The following CCDC15 variants were observed in gnomAD, a reference collection of about 807,000 sequenced individuals.
The protein encoded by CCDC15 is coiled-coil domain-containing protein 15.
CCDC15 carries 105 observed loss-of-function variants against 114.5 expected under a neutral mutation model. The observed-to-expected ratio is 0.92, with a 90% CI of 0.78 to 1.08. The LOEUF (loss-of-function observed/expected upper bound fraction) is 1.08. Ranked by LOEUF, CCDC15 falls within the 50% of genes least tolerant of loss-of-function variation. The pLI is 0.00. For synonymous variants in CCDC15, 334 were observed against 377.8 expected (o/e 0.88, Z 1.34); for missense variants, 1,105 against 1,093.6 (o/e 1.01, Z -0.15).
intron 4 of CCDC15, among the ~76,000 whole-genome samples, chr11:124,962,995 C>A (rs1216925594): frequency 6.6e-6 from 1 of 152,190 alleles, no homozygotes; most frequent in Non-Finnish European, 1.5e-5. Flanking sequence ...TTTTTTATGG[C>A]TGCATAGTAT....
chr11:125,016,556 G>C (rs1205811432), intron 13 of CCDC15, among the ~76,000 whole-genome samples: 1 of 152,122 alleles, frequency 6.6e-6, no homozygotes, highest in Non-Finnish European at 1.5e-5. Flanking sequence ...GAAGTTCACT[G>C]TCTCACCTAG....
In CCDC15 at chr11:124,987,500, A is replaced by T. The variant is rs75943178; in HGVS notation, c.1274A>T (p.Asp425Val). 6.2e-7 allele frequency: 1 copy of T among 1,614,044 alleles called. No homozygotes were observed. Among genetic ancestry groups the T allele is most frequent in the African/African-American group, 1.3e-5 (1 of 75,056 alleles). Residue 425 changes from aspartate (D) to valine (V), a missense_variant, in exon 8 of 16, where the codon GAT (aspartate) becomes GTT (valine). Transcript: ENST00000344762. Reference protein sequence around the residue: ...TNQALLTKNQDVLLKDHCVLP... With the variant: ...TNQALLTKNQVVLLKDHCVLP... ...CAGGCTCTTCTAACGAAAAACCAGG[A>T]TGTTTTACTCAAAGACCACTGTGTT... is the stretch of plus-strand genomic sequence containing the variant.
At chr11:124,996,102 A>G (rs1049888020) in intron 11 of CCDC15, among the ~76,000 whole-genome samples, 1 of 152,038 alleles carries the variant, frequency 6.6e-6, no homozygotes, top group Non-Finnish European at 1.5e-5. Context: ...AGGTGCTGGG[A>G]TTACAGGTGT....
rs368123739 is a variant in CCDC15, at chr11:124,987,499, G to A, written c.1273G>A (p.Asp425Asn). 1.2e-6 allele frequency: 2 copies of A among 1,614,002 alleles called. No homozygotes were observed. The highest frequency in any genetic ancestry group is 1.7e-6 in the Non-Finnish European group (2 of 1,179,898). The change falls in exon 8 of 16, where the codon GAT becomes AAT. Residue 425 changes from aspartate to asparagine, a missense_variant. Physicochemically the swap from Asp to Asn is conservative, Grantham distance 23. Coordinates refer to ENST00000344762, the MANE Select transcript of CCDC15 (RefSeq NM_025004.3). ...TNQALLTKNQ[D>N]VLLKDHCVLP... The stretch of plus-strand genomic sequence containing the variant: ...TCAGGCTCTTCTAACGAAAAACCAG[G>A]ATGTTTTACTCAAAGACCACTGTGT...
chr11:125,040,006 T>G (rs1315433258), intron 15 of CCDC15, among the ~76,000 whole-genome samples: 1 of 152,128 alleles, frequency 6.6e-6, no homozygotes, highest in African/African-American at 2.4e-5. Flanking sequence ...ATTCCCAACT[T>G]CATTCTATGA....
chr11:125,029,462 A>G (rs950783939), intron 13 of CCDC15, among the ~76,000 whole-genome samples: 2 of 152,264 alleles, frequency 1.3e-5, no homozygotes, highest in African/African-American at 4.8e-5. Context: ...TAAAGTTAAC[A>G]ATACTTAAAT....
chr11:124,968,453 C>T (rs1947822440), intron 4 of CCDC15, among the ~76,000 whole-genome samples: 2 of 152,224 alleles, frequency 1.3e-5, no homozygotes, highest in South Asian at 4.1e-4. Context: ...GGTGTGGGAC[C>T]TGCCAAGCCA....
At chr11:124,996,478 C>T (rs1248626420) in intron 11 of CCDC15, among the ~76,000 whole-genome samples, 1 of 152,174 alleles carries the variant, frequency 6.6e-6, no homozygotes, top group Non-Finnish European at 1.5e-5. Flanking sequence ...TGTATGCATC[C>T]TTTGAGTCCT....
intron 13 of CCDC15, among the ~76,000 whole-genome samples, chr11:125,017,539 T>C (rs1344190971): frequency 6.6e-6 from 1 of 152,154 alleles, no homozygotes; most frequent in Non-Finnish European, 1.5e-5. Flanking sequence ...GTATAGCACA[T>C]ACAGTTATGT....
intron 13 of CCDC15, among the ~76,000 whole-genome samples, chr11:125,009,035 G>A (rs145801100): frequency 2.6e-5 from 4 of 152,052 alleles, no homozygotes; most frequent in East Asian, 3.9e-4. Flanking sequence ...CCTGACCAAC[G>A]TGGAGTAACC....
At chr11:124,961,639 C>G (rs1197100032) in intron 4 of CCDC15, among the ~76,000 whole-genome samples, 2 of 152,164 alleles carry the variant, frequency 1.3e-5, no homozygotes, top group African/African-American at 4.8e-5. Flanking sequence ...CCTGATTCTC[C>G]TGCCTCAGCC....
intron 4 of CCDC15, among the ~76,000 whole-genome samples, chr11:124,965,427 G>A (rs1169256745): frequency 3.9e-5 from 6 of 152,134 alleles, no homozygotes; most frequent in African/African-American, 7.2e-5. Context: ...GTTTATTTAC[G>A]TAGAGGTGTT....
intron 13 of CCDC15, among the ~76,000 whole-genome samples, chr11:125,037,719 G>C (rs768384960): frequency 6.6e-6 from 1 of 152,106 alleles, no homozygotes; most frequent in Non-Finnish European, 1.5e-5. Flanking sequence ...TTTGTTACCT[G>C]GTGTCCAATG....
chr11:124,963,714 GC>G (rs1947715804), intron 4 of CCDC15, among the ~76,000 whole-genome samples: 1 of 152,184 alleles, frequency 6.6e-6, no homozygotes, highest in South Asian at 2.1e-4. Flanking sequence ...TGAAGTCCTT[GC>G]CCATGCCTGT....
rs181353574 is a variant in CCDC15, at chr11:124,969,265, C to A, written c.517-5831C>A. ...TGGTATTACCTACTTGTTCAAAGGT[C>A]AGTTAAGATTAGTTGCCTAAAGGTA... On this transcript the variant is annotated intron_variant, in intron 4 of 15. Coordinates refer to ENST00000344762, the MANE Select transcript of CCDC15 (RefSeq NM_025004.3). 8.5e-5 allele frequency among the ~76,000 whole-genome samples: 13 copies of A among 152,188 alleles called. No individual in the cohort carries two copies. In the East Asian group the frequency reaches 2.5e-3, roughly 29 times the overall value.
chr11:124,986,682 T>TGC, intron 6 of CCDC15, 60 bp from the exon 7 acceptor site: 1 of 1,387,842 alleles, frequency 7.2e-7, no homozygotes, highest in Non-Finnish European at 9.6e-7. Flanking sequence ...TGTGTGTGTG[T>TGC]GTGTGTGTTT....
At position 124,959,111 on chromosome 11, in the gene CCDC15, AAAGACATCAGCATATTTAATTGAAG is replaced by A; in HGVS notation, c.179_203del (p.Thr60AsnfsTer2). The stretch of plus-strand genomic sequence containing the variant: ...AGTTCATTTTCTGTCTTTCATCTTT[AAAGACATCAGCATATTTAATTGAAG>A]AAGAACTAAAGGAACAGCTAAGAAA... On this transcript the variant is annotated splice_acceptor_variant and splice_polypyrimidine_tract_variant and coding_sequence_variant and intron_variant, in exon 3 of 16. Transcript: ENST00000344762. LOFTEE classifies it high-confidence loss of function. The A allele has an allele frequency of 6.5e-7, 1 of 1,546,514 alleles. No individual in the cohort carries two copies. The highest frequency in any genetic ancestry group is 2.2e-5 in the Admixed American group (1 of 45,372).
Position 125,035,621 on chromosome 11 carries a change from CT to C in CCDC15, c.2412-2802del, listed in dbSNP as rs554622962. On this transcript the variant is annotated intron_variant, in intron 13 of 15. Transcript: ENST00000344762. ...AGGACTTACTTCTGCCATTTTGTTA[CT>C]TTTTTTTCTGGTTGTTTCATGGTCT... Among the ~76,000 whole-genome samples, 23 of 151,886 alleles carry C rather than the reference CT, an allele frequency of 1.5e-4. No individual in the cohort carries two copies. The East Asian group carries it at 3.9e-3, about 25-fold the overall frequency.
In CCDC15 at chr11:124,960,020, T is replaced by C. The variant is rs1481787330; in HGVS notation, c.516+17T>C. On this transcript the variant is annotated intron_variant, in intron 4 of 15. Coordinates refer to ENST00000344762, the MANE Select transcript of CCDC15 (RefSeq NM_025004.3). ...GCCCAGGCTGTAAGTACCTGTTCTTTTTATTTTATGTCTATGATATTTTCC... is the reference window on the plus strand; with the variant it reads ...GCCCAGGCTGTAAGTACCTGTTCTTCTTATTTTATGTCTATGATATTTTCC... The C allele has an allele frequency of 1.3e-6, 2 of 1,519,112 alleles. No homozygotes were observed. Among genetic ancestry groups the C allele is most frequent in the Non-Finnish European group, 1.8e-6 (2 of 1,130,666 alleles). The allele number at this position is 1,519,112 out of a possible 1,614,324, so 94.1% of individuals were successfully genotyped here.
Sources: allele counts gnomAD v4.1 joint callset (sites outside exome capture counted in the v4.1 genomes callset), GRCh38; gene constraint gnomAD v4.1.1; transcripts MANE v1.5; gene names NCBI Gene and HGNC (gene_info 2026-07-23, HGNC 2026-07-21).